Variants in BTBD9 observed in about 807,000 individuals in gnomAD.
The protein encoded by BTBD9 is BTB domain containing 9, also known as BTB/POZ domain-containing protein 9.
Under a neutral mutation model 64.3 loss-of-function variants are expected in BTBD9, and 49 were observed. That is an observed-to-expected ratio of 0.76 (90% CI 0.61 to 0.97). The LOEUF is 0.97. Among genes scored for constraint, BTBD9 ranks in the 50% least tolerant of loss-of-function variants. BTBD9 has a pLI of 0.00. For synonymous variants in BTBD9, 260 were observed against 274.7 expected, an observed-to-expected ratio of 0.95 and a Z score of 0.53; for missense variants, 598 against 762.1, an observed-to-expected ratio of 0.78 and a Z score of 2.53.
intron 8 of BTBD9, among the ~76,000 whole-genome samples, chr6:38,270,440 G>C (rs1175309752): frequency 6.6e-6 from 1 of 152,002 alleles, no homozygotes; most frequent in Non-Finnish European, 1.5e-5. Context: ...CATGCCAAAG[G>C]TGGGTGAGAT....
At chr6:38,395,003 T>C (rs1432877044) in intron 6 of BTBD9, among the ~76,000 whole-genome samples, 2 of 151,714 alleles carry the variant, frequency 1.3e-5, no homozygotes, top group Non-Finnish European at 1.5e-5. Flanking sequence ...ATGATCTGAA[T>C]ATTTATTTCC....
At chr6:38,373,138 A>G (rs1037474842) in intron 6 of BTBD9, among the ~76,000 whole-genome samples, 1 of 152,198 alleles carries the variant, frequency 6.6e-6, no homozygotes, top group African/African-American at 2.4e-5. Context: ...AGATCAAAAG[A>G]GTAAAATGTG....
intron 6 of BTBD9, among the ~76,000 whole-genome samples, chr6:38,536,047 G>A (rs1774008351): frequency 9.9e-6 from 1 of 101,226 alleles, no homozygotes; most frequent in African/African-American, 2.7e-5. Flanking sequence ...AATCAACAAA[G>A]TGAAGAAACA....
At chr6:38,583,135 G>A (rs1277385983) in intron 4 of BTBD9, among the ~76,000 whole-genome samples, 1 of 152,198 alleles carries the variant, frequency 6.6e-6, no homozygotes, top group Non-Finnish European at 1.5e-5. Flanking sequence ...GGCATAAAAA[G>A]TGGAGGTGCA....
chr6:38,340,257 A>G (rs1386047830), intron 7 of BTBD9, among the ~76,000 whole-genome samples: 2 of 152,028 alleles, frequency 1.3e-5, no homozygotes, highest in Non-Finnish European at 1.5e-5. Flanking sequence ...AAGATCATCT[A>G]CAGTATCTAC....
At chr6:38,334,225 A>G (rs961357971) in intron 7 of BTBD9, among the ~76,000 whole-genome samples, 1 of 152,228 alleles carries the variant, frequency 6.6e-6, no homozygotes, top group Non-Finnish European at 1.5e-5. Context: ...TTCTAAAAGC[A>G]TATGCTCATA....
intron 6 of BTBD9, among the ~76,000 whole-genome samples, chr6:38,424,509 A>G (rs975045926): frequency 4.0e-5 from 6 of 151,842 alleles, no homozygotes; most frequent in East Asian, 1.9e-4. Flanking sequence ...TATAAAAAGT[A>G]TATTTTTAAA....
chr6:38,375,927 G>T (rs1448880341), intron 6 of BTBD9, among the ~76,000 whole-genome samples: 6 of 140,170 alleles, frequency 4.3e-5, no homozygotes, highest in African/African-American at 1.6e-4. Context: ...AAGAAAGAAA[G>T]AAAGAAAGAA....
chr6:38,528,350 C>T (rs1157631474), intron 6 of BTBD9, among the ~76,000 whole-genome samples: 1 of 152,122 alleles, frequency 6.6e-6, no homozygotes, highest in East Asian at 1.9e-4. Flanking sequence ...CAGTCTAGAC[C>T]ACAAGGAATT....
At chr6:38,285,124 G>C (rs919754378) in intron 8 of BTBD9, among the ~76,000 whole-genome samples, 4 of 152,182 alleles carry the variant, frequency 2.6e-5, no homozygotes, top group Non-Finnish European at 5.9e-5. Context: ...TCTGAGAGAA[G>C]GGTGTGGCCA....
At chr6:38,332,675 T>C (rs1305028999) in intron 7 of BTBD9, among the ~76,000 whole-genome samples, 1 of 152,184 alleles carries the variant, frequency 6.6e-6, no homozygotes, top group African/African-American at 2.4e-5. Context: ...GAAAATATTT[T>C]AAAATAACTG....
chr6:38,475,273 A>C (rs985129123), intron 6 of BTBD9, among the ~76,000 whole-genome samples: 16 of 152,162 alleles, frequency 1.1e-4, no homozygotes, highest in Admixed American at 1.0e-3. Flanking sequence ...TATTTTCCAA[A>C]TTTTCTTCAA....
intron 6 of BTBD9, among the ~76,000 whole-genome samples, chr6:38,574,609 C>T (rs1041412069): frequency 1.3e-5 from 2 of 152,148 alleles, no homozygotes; most frequent in African/African-American, 4.8e-5. Flanking sequence ...TATTGAGTCC[C>T]TCCTTTCTGC....
chr6:38,258,004 G>A (rs1483525661), intron 8 of BTBD9, among the ~76,000 whole-genome samples: 1 of 151,574 alleles, frequency 6.6e-6, no homozygotes, highest in African/African-American at 2.4e-5. Context: ...TATATATTTT[G>A]AGATGGAGTC....
At chr6:38,492,371 C>T (rs1771741921) in intron 6 of BTBD9, among the ~76,000 whole-genome samples, 1 of 152,170 alleles carries the variant, frequency 6.6e-6, no homozygotes, top group Non-Finnish European at 1.5e-5. Context: ...TCCTATGGCC[C>T]CATTTCCTTC....
In BTBD9 at chr6:38,170,904, G is replaced by A. The variant is rs180776080; in HGVS notation, c.*4081C>T. The A allele has an allele frequency of 6.6e-5, 10 of 152,354 alleles. No individual in the cohort carries two copies. The East Asian group carries it at 1.5e-3, about 24-fold the overall frequency. 9.4% of individuals were successfully genotyped at this position (152,354 alleles called of 1,614,324 possible). Reference sequence around the variant, plus strand: ...GCCGTGCCCGACCTGGGCATCGCTCGGAGGAGCTGGTCACCACATAGAAGG... The same window carrying A: ...GCCGTGCCCGACCTGGGCATCGCTCAGAGGAGCTGGTCACCACATAGAAGG... On this transcript the variant is annotated 3_prime_UTR_variant, in exon 11 of 11. Coordinates refer to ENST00000481247, the MANE Select transcript of BTBD9 (RefSeq NM_001099272.2).
chr6:38,388,357 T>C (rs1397289361), intron 6 of BTBD9, among the ~76,000 whole-genome samples: 2 of 152,236 alleles, frequency 1.3e-5, no homozygotes, highest in African/African-American at 4.8e-5. Context: ...ATTAGCTCTC[T>C]AACATTAGGG....
At chr6:38,413,881 T>C (rs1767548989) in intron 6 of BTBD9, among the ~76,000 whole-genome samples, 1 of 152,134 alleles carries the variant, frequency 6.6e-6, no homozygotes, top group Non-Finnish European at 1.5e-5. Flanking sequence ...AGAATAATAA[T>C]AATAATCCAT....
At chr6:38,606,256 A>T (rs1291811328) in intron 1 of BTBD9, among the ~76,000 whole-genome samples, 2 of 152,048 alleles carry the variant, frequency 1.3e-5, no homozygotes, top group African/African-American at 4.8e-5. Flanking sequence ...TCACCTTGTG[A>T]TCGTGTGAGT....
Sources: gnomAD v4.1 joint callset for allele counts (sites outside exome capture counted in the v4.1 genomes callset) on GRCh38, gnomAD v4.1.1 for gene constraint, MANE v1.5 for transcripts, NCBI Gene and HGNC (gene_info 2026-07-23, HGNC 2026-07-21) for gene names.